Variants in ZNF385D observed in about 807,000 individuals in gnomAD.
The protein encoded by ZNF385D is zinc finger protein 659.
In ZNF385D, 15 loss-of-function variants were observed where a neutral mutation model predicts 35.8. The ratio of observed to expected loss-of-function variants is 0.42; its 90% CI spans 0.28 to 0.64. The LOEUF is 0.64. ZNF385D is among the 30% of genes least tolerant of loss of function. ZNF385D has a pLI of 0.23. For missense variants in ZNF385D, 474 were observed against 494.6 expected (o/e 0.96, Z 0.39); for synonymous variants, 212 against 186.8 (o/e 1.13, Z -1.10).
rs577396569 is a variant in ZNF385D at position 22,050,972 on chromosome 3, C to G, written c.325+117845G>C. On this transcript the variant is annotated intron_variant, in intron 3 of 5. Transcript: ENST00000494108. Reference sequence around the variant, plus strand: ...TGTGGTGCTGAAAAAAATGTATATTCTGTTGATTTGGGGTGGAGAGTTCTG... The same window carrying G: ...TGTGGTGCTGAAAAAAATGTATATTGTGTTGATTTGGGGTGGAGAGTTCTG... Among the ~76,000 whole-genome samples the G allele has an allele frequency of 2.6e-4, 8 of 30,428 alleles. 1 individual carries two copies. The South Asian group carries it at 0.014, about 53-fold the overall frequency. 20.0% of individuals were successfully genotyped at this position (30,428 alleles called of 152,430 possible).
chr3:21,747,332 T>C (rs1276190242), intron 1 of ZNF385D, among the ~76,000 whole-genome samples: 1 of 152,216 alleles, frequency 6.6e-6, no homozygotes, highest in African/African-American at 2.4e-5. Flanking sequence ...ATTTCATTTT[T>C]TTTAGGAGTA....
chr3:22,195,053 C>A (rs1696317974), intron 2 of ZNF385D, among the ~76,000 whole-genome samples: 1 of 150,926 alleles, frequency 6.6e-6, no homozygotes. Context: ...AATTATTTTC[C>A]CCCCAAGAAA....
intron 2 of ZNF385D, among the ~76,000 whole-genome samples, chr3:22,246,542 C>CA (rs1699793007): frequency 6.6e-6 from 1 of 152,104 alleles, no homozygotes; most frequent in South Asian, 2.1e-4. Context: ...TCTCTTGCTT[C>CA]AAAGCCTAGA....
At chr3:21,694,989 C>T (rs1298693000) in intron 1 of ZNF385D, among the ~76,000 whole-genome samples, 1 of 152,182 alleles carries the variant, frequency 6.6e-6, no homozygotes, top group African/African-American at 2.4e-5. Flanking sequence ...TGAATTTTAG[C>T]TCCACCACAA....
intron 3 of ZNF385D, among the ~76,000 whole-genome samples, chr3:21,893,215 C>T (rs1163896829): frequency 2.0e-5 from 3 of 152,158 alleles, no homozygotes; most frequent in Non-Finnish European, 4.4e-5. Flanking sequence ...GCATTGTAGA[C>T]ATAAGGCAGA....
rs1477199868 is a variant in ZNF385D at position 21,414,970 on chromosome 3, G to A, written c.*6244C>T. 1.3e-5 allele frequency: 2 copies of A among 151,908 alleles called. No individual in the cohort carries two copies. The highest frequency in any genetic ancestry group is 2.9e-5 in the Non-Finnish European group (2 of 67,980). The allele number at this position is 151,908 out of a possible 1,614,324, so 9.4% of individuals were successfully genotyped here. ...CACGAAGGGTCTTTATCCAATATTA[G>A]TTGCCCCTAGCCCTAGGGTCCTATA... On this transcript the variant is annotated 3_prime_UTR_variant, in exon 8 of 8. Transcript: ENST00000281523.
chr3:22,084,354 T>C (rs748407727), intron 3 of ZNF385D, among the ~76,000 whole-genome samples: 7 of 152,128 alleles, frequency 4.6e-5, no homozygotes, highest in Non-Finnish European at 8.8e-5. Flanking sequence ...CAGAGACACA[T>C]ACACACTCAA....
intron 4 of ZNF385D, among the ~76,000 whole-genome samples, chr3:21,460,644 A>G (rs1703109528): frequency 6.6e-6 from 1 of 152,194 alleles, no homozygotes; most frequent in African/African-American, 2.4e-5. Flanking sequence ...TTTTTGTTGT[A>G]CATGTGTAAA....
intron 3 of ZNF385D, among the ~76,000 whole-genome samples, chr3:21,889,005 T>A (rs767882419): frequency 6.6e-5 from 10 of 152,362 alleles, no homozygotes; most frequent in Middle Eastern, 3.4e-3. Context: ...TATAGATGAC[T>A]TCTTCAGAGA....
chr3:21,863,184 A>G lies in ZNF385D; in HGVS notation c.326-198156T>C, dbSNP rs183414997. On this transcript the variant is annotated intron_variant, in intron 3 of 5. Coordinates refer to the ZNF385D transcript ENST00000494108. ...AAGCAAAATAATTTACTGATATTGA[A>G]CTAGAAGTTTCATTAAAAAGAGCTA... 3.6e-4 allele frequency among the ~76,000 whole-genome samples: 55 copies of G among 152,268 alleles called. No homozygotes were observed. In the East Asian group the frequency reaches 9.7e-3, roughly 27 times the overall value.
At chr3:21,448,187 G>T (rs530525926) in intron 4 of ZNF385D, among the ~76,000 whole-genome samples, 44 of 152,232 alleles carry the variant, frequency 2.9e-4, no homozygotes, top group African/African-American at 1.0e-3. Flanking sequence ...TAGAAAAGGA[G>T]TTTTCAGGGA....
chr3:22,294,859 A>G (rs1265044119), intron 2 of ZNF385D, among the ~76,000 whole-genome samples: 2 of 152,172 alleles, frequency 1.3e-5, no homozygotes, highest in Non-Finnish European at 2.9e-5. Context: ...ATCTGTTACC[A>G]CTATTAGATA....
At chr3:22,214,259 C>T (rs2125267202) in intron 2 of ZNF385D, among the ~76,000 whole-genome samples, 1 of 152,202 alleles carries the variant, frequency 6.6e-6, no homozygotes, top group South Asian at 2.1e-4. Flanking sequence ...CTTGTGATTT[C>T]CTATGCCTGT....
chr3:21,728,939 T>G (rs1334936932), intron 1 of ZNF385D, among the ~76,000 whole-genome samples: 1 of 152,242 alleles, frequency 6.6e-6, no homozygotes, highest in Non-Finnish European at 1.5e-5. Context: ...CTTTGTTTTG[T>G]TCACTGATTC....
intron 2 of ZNF385D, among the ~76,000 whole-genome samples, chr3:22,324,145 A>G (rs1185679252): frequency 6.6e-6 from 1 of 152,210 alleles, no homozygotes; most frequent in Non-Finnish European, 1.5e-5. Flanking sequence ...CATGGTAAGG[A>G]ACTTCTAGAG....
chr3:21,754,912 C>T (rs1029519561), upstream of ZNF385D, among the ~76,000 whole-genome samples: 2 of 152,172 alleles, frequency 1.3e-5, no homozygotes, highest in Admixed American at 6.5e-5. Flanking sequence ...GTGTGTAAGA[C>T]ATCATACTTT....
chr3:22,274,225 A>C (rs1260358885), intron 2 of ZNF385D, among the ~76,000 whole-genome samples: 1 of 152,010 alleles, frequency 6.6e-6, no homozygotes, highest in East Asian at 1.9e-4. Flanking sequence ...AGAACAAAGA[A>C]TGTATTATAA....
chr3:21,830,701 A>G (rs11129025), intron 3 of ZNF385D, among the ~76,000 whole-genome samples: 44,558 of 152,112 alleles, frequency 0.29, 6,799 homozygotes, highest in Admixed American at 0.32. Flanking sequence ...CAAATGTTAA[A>G]TAAGTGTTCC....
chr3:22,048,989 G>T (rs1041233682), intron 3 of ZNF385D, among the ~76,000 whole-genome samples: 10 of 151,932 alleles, frequency 6.6e-5, no homozygotes, highest in Admixed American at 3.3e-4. Flanking sequence ...ATAGTTCATT[G>T]TTAGTGTATA....
Sources: allele counts gnomAD v4.1 joint callset (sites outside exome capture counted in the v4.1 genomes callset), GRCh38; gene constraint gnomAD v4.1.1; transcripts MANE v1.5; gene names NCBI Gene and HGNC (gene_info 2026-07-23, HGNC 2026-07-21).